PTPRD: variants seen among roughly 807,000 people sequenced by gnomAD.
PTPRD encodes receptor-type tyrosine-protein phosphatase delta.
Under a neutral mutation model 214.5 loss-of-function variants are expected in PTPRD, and 34 were observed. That is an observed-to-expected ratio of 0.16 (90% confidence interval 0.12 to 0.21). The LOEUF (loss-of-function observed/expected upper bound fraction) is 0.21. Among genes scored for constraint, PTPRD ranks in the 10% least tolerant of loss-of-function variants. The probability of loss-of-function intolerance (pLI) is 1.00; values close to 1 mark genes in which losing one functional copy is unlikely to be tolerated. For synonymous variants in PTPRD, 1,128 were observed against 845.7 expected (o/e 1.33, Z -5.79); for missense variants, 2,545 against 2,398.7 (o/e 1.06, Z -1.27).
chr9:10,472,774 T>G (rs2099039514), intron 2 of PTPRD, among the ~76,000 whole-genome samples: 1 of 152,000 alleles, frequency 6.6e-6, no homozygotes, highest in African/African-American at 2.4e-5. Context: ...AAACTCAAAT[T>G]AAACATATAT....
At chr9:10,470,005 G>A (rs2099019827) in intron 2 of PTPRD, among the ~76,000 whole-genome samples, 1 of 151,912 alleles carries the variant, frequency 6.6e-6, no homozygotes, top group South Asian at 2.1e-4. Context: ...GGCTGGGTAG[G>A]GTATTTGGGA....
chr9:8,688,925 A>C lies in PTPRD; in HGVS notation c.64+44855T>G, dbSNP rs144058702. On this transcript the variant is annotated intron_variant, in intron 12 of 45. Coordinates refer to ENST00000381196, the MANE Select transcript of PTPRD (RefSeq NM_002839.4). ...AAACATCTATGCCTGTATTCATATC[A>C]TTAGTACCATCAACACACATGAATG... is the stretch of plus-strand genomic sequence containing the variant. Among the ~76,000 whole-genome samples the C allele has an allele frequency of 3.0e-3, 464 of 152,328 alleles. 2 individuals carry two copies. Among genetic ancestry groups the C allele is most frequent in the African/African-American group, 0.011 (449 of 41,562 alleles).
rs1413607612 is a variant in PTPRD, at chr9:8,485,948, G to A, written c.2869C>T (p.Leu957Phe). The change falls in exon 28 of 46, where the codon CTT becomes TTT. Residue 957 changes from leucine to phenylalanine, a missense_variant. Transcript: ENST00000381196. ...AGGGGGATGTTGATATCCCTATAAAGAAGGGTATACTTGGTGATAATGCCA... is the reference window on the plus strand; with the variant it reads ...AGGGGGATGTTGATATCCCTATAAAAAAGGGTATACTTGGTGATAATGCCA... ...RNGIITKYTLLYRDINIPLLP... is the reference protein window; with the variant it reads ...RNGIITKYTLFYRDINIPLLP... The A allele has an allele frequency of 2.5e-6, 4 of 1,614,202 alleles. No homozygotes were observed. The South Asian group carries it at 3.3e-5, about 13-fold the overall frequency.
chr9:9,394,120 A>C lies in PTPRD; in HGVS notation c.-203+3329T>G, dbSNP rs532006326. Among the ~76,000 whole-genome samples the C allele has an allele frequency of 2.6e-5, 4 of 152,324 alleles. No individual in the cohort carries two copies. In the South Asian group the frequency reaches 8.3e-4, roughly 32 times the overall value. On this transcript the variant is annotated intron_variant, in intron 9 of 45. Coordinates refer to ENST00000381196, the MANE Select transcript of PTPRD (RefSeq NM_002839.4). Reference sequence around the variant, plus strand: ...TATCCTAAAATATGATGTAATAAAAATAAGTTATTTACATGTCCCTTTACA... The same window carrying C: ...TATCCTAAAATATGATGTAATAAAACTAAGTTATTTACATGTCCCTTTACA...
At chr9:8,573,423 T>C (rs1428060127) in intron 14 of PTPRD, among the ~76,000 whole-genome samples, 1 of 151,996 alleles carries the variant, frequency 6.6e-6, no homozygotes, top group East Asian at 1.9e-4. Flanking sequence ...TTAAATTTCT[T>C]GAGTGTTAGG....
intron 5 of PTPRD, among the ~76,000 whole-genome samples, chr9:9,806,947 C>T (rs533138856): frequency 1.3e-5 from 2 of 152,094 alleles, no homozygotes; most frequent in South Asian, 4.1e-4. Context: ...GTGAACAGCC[C>T]ACTCCAAAGG....
chr9:10,423,338 G>A (rs912732678), intron 2 of PTPRD, among the ~76,000 whole-genome samples: 7 of 151,908 alleles, frequency 4.6e-5, no homozygotes, highest in Admixed American at 2.6e-4. Flanking sequence ...ATACTATTAG[G>A]AGAAATACCT....
At chr9:8,325,335 T>C (rs929137917) in intron 44 of PTPRD, among the ~76,000 whole-genome samples, 1 of 149,162 alleles carries the variant, frequency 6.7e-6, no homozygotes, top group South Asian at 2.2e-4. Flanking sequence ...CCAACACCAT[T>C]TATTAAATAG....
rs543100584 is a variant in PTPRD, at chr9:10,062,745, A to AT, written c.-544-28956dup. 2.3e-3 allele frequency among the ~76,000 whole-genome samples: 346 copies of AT among 151,798 alleles called. 10 individuals carry two copies. In the East Asian group the frequency reaches 0.052, roughly 23 times the overall value. Reference sequence around the variant, plus strand: ...TCTTGCCCATTTCAACATCTTTCACATTTTTTTTCCCCTGAAAATCTATGT... The same window carrying AT: ...TCTTGCCCATTTCAACATCTTTCACATTTTTTTTTCCCCTGAAAATCTATGT... On this transcript the variant is annotated intron_variant, in intron 3 of 45. Coordinates refer to ENST00000381196, the MANE Select transcript of PTPRD (RefSeq NM_002839.4).
At chr9:9,185,925 A>G (rs527319151) in intron 9 of PTPRD, among the ~76,000 whole-genome samples, 1 of 150,508 alleles carries the variant, frequency 6.6e-6, no homozygotes, top group South Asian at 2.1e-4. Context: ...TTTTCAGAGT[A>G]CAAATATCAG....
chr9:8,486,401 T>G (rs760421815), intron 27 of PTPRD, 52 bp from the exon 28 acceptor site: 2 of 1,469,224 alleles, frequency 1.4e-6, no homozygotes, highest in Non-Finnish European at 1.9e-6. Flanking sequence ...ACGTTCACAT[T>G]TCAGTCATTG....
At chr9:8,736,018 G>C (rs1021988117) in intron 11 of PTPRD, among the ~76,000 whole-genome samples, 5 of 151,818 alleles carry the variant, frequency 3.3e-5, no homozygotes, top group Admixed American at 1.3e-4. Flanking sequence ...ACTACAAAAA[G>C]AGCCATTTAA....
chr9:8,574,844 T>C (rs1222636667), intron 14 of PTPRD, among the ~76,000 whole-genome samples: 2 of 152,030 alleles, frequency 1.3e-5, no homozygotes, highest in East Asian at 3.9e-4. Context: ...AATGAAGTGA[T>C]ATGCTGAGAT....
At chr9:9,064,894 C>A (rs1590889427) in intron 10 of PTPRD, among the ~76,000 whole-genome samples, 2 of 152,168 alleles carry the variant, frequency 1.3e-5, no homozygotes, top group South Asian at 4.1e-4. Context: ...AGATACAATA[C>A]AATGTTATCC....
chr9:8,322,357 G>A (rs1676255524), intron 44 of PTPRD, among the ~76,000 whole-genome samples: 1 of 152,190 alleles, frequency 6.6e-6, no homozygotes, highest in African/African-American at 2.4e-5. Flanking sequence ...CAGCCTAGTT[G>A]TGAATGCAAA....
At chr9:9,129,981 G>C (rs919544292) in intron 10 of PTPRD, among the ~76,000 whole-genome samples, 28 of 152,098 alleles carry the variant, frequency 1.8e-4, no homozygotes, top group Admixed American at 1.8e-3. Context: ...GAGGGTATGA[G>C]TTAAGATATA....
At chr9:8,763,458 A>G (rs1328702861) in intron 11 of PTPRD, among the ~76,000 whole-genome samples, 1 of 152,040 alleles carries the variant, frequency 6.6e-6, no homozygotes, top group African/African-American at 2.4e-5. Flanking sequence ...AGGTTGCAGT[A>G]GCCAAGATCA....
intron 7 of PTPRD, among the ~76,000 whole-genome samples, chr9:9,612,904 G>C (rs2094591843): frequency 6.6e-6 from 1 of 151,738 alleles, no homozygotes; most frequent in African/African-American, 2.4e-5. Flanking sequence ...ACAATACTGA[G>C]ATATTTTCTA....
At chr9:8,659,395 A>G (rs1596293188) in intron 12 of PTPRD, among the ~76,000 whole-genome samples, 2 of 152,174 alleles carry the variant, frequency 1.3e-5, no homozygotes, top group East Asian at 3.9e-4. Flanking sequence ...ATATTACACT[A>G]TCCCATCAAG....
Sources: allele counts gnomAD v4.1 joint callset (sites outside exome capture counted in the v4.1 genomes callset), GRCh38; gene constraint gnomAD v4.1.1; transcripts MANE v1.5; gene names NCBI Gene and HGNC (gene_info 2026-07-23, HGNC 2026-07-21).